Variants in CTNNA2 observed in about 807,000 individuals in gnomAD.
The protein encoded by CTNNA2 is catenin alpha 2.
In CTNNA2, 42 loss-of-function variants were observed where a neutral mutation model predicts 101.0. The ratio of observed to expected loss-of-function variants is 0.42; its 90% CI spans 0.32 to 0.54. CTNNA2 has a LOEUF of 0.54. Ranked by LOEUF, CTNNA2 falls within the 20% of genes least tolerant of loss-of-function variation. The pLI, the probability that CTNNA2 is intolerant of heterozygous loss-of-function variation, is 0.14. For missense variants in CTNNA2, 871 were observed against 1,223.1 expected, an observed-to-expected ratio of 0.71 and a Z score of 4.29; for synonymous variants, 450 against 456.4, an observed-to-expected ratio of 0.99 and a Z score of 0.18.
intron 1 of CTNNA2, among the ~76,000 whole-genome samples, chr2:79,580,087 C>CATTGTAGCA (rs1257379676): frequency 6.6e-6 from 1 of 152,074 alleles, no homozygotes; most frequent in African/African-American, 2.4e-5. Flanking sequence ...AAGAGGTGTC[C>CATTGTAGCA]ATTGTAGCAA....
intron 1 of CTNNA2, among the ~76,000 whole-genome samples, chr2:79,637,264 A>G (rs550144295): frequency 6.6e-6 from 1 of 152,264 alleles, no homozygotes; most frequent in South Asian, 2.1e-4. Context: ...AAGGGGTGAA[A>G]TTGAGGATAC....
intron 7 of CTNNA2, among the ~76,000 whole-genome samples, chr2:80,054,828 G>A (rs1028559756): frequency 6.6e-6 from 1 of 152,226 alleles, no homozygotes; most frequent in Admixed American, 6.5e-5. Flanking sequence ...AGTACCTGAG[G>A]TGAGGTAGGT....
chr2:79,344,435 T>A (rs1183750235), intron 3 of CTNNA2, among the ~76,000 whole-genome samples: 1 of 152,182 alleles, frequency 6.6e-6, no homozygotes, highest in East Asian at 1.9e-4. Flanking sequence ...AGTCTCAGCT[T>A]GACTTATATG....
intron 7 of CTNNA2, among the ~76,000 whole-genome samples, chr2:80,271,829 A>G (rs913359595): frequency 1.3e-5 from 2 of 152,256 alleles, no homozygotes; most frequent in Non-Finnish European, 2.9e-5. Context: ...CACTAAAAAT[A>G]TATCTGGGAG....
intron 11 of CTNNA2, among the ~76,000 whole-genome samples, chr2:80,547,136 C>T (rs184770009): frequency 1.4e-4 from 22 of 152,202 alleles, no homozygotes; most frequent in Admixed American, 5.9e-4. Context: ...TTTTCTTTTC[C>T]GGAAGAAACA....
intron 7 of CTNNA2, among the ~76,000 whole-genome samples, chr2:80,327,690 G>A (rs1002969555): frequency 2.0e-5 from 3 of 152,192 alleles, no homozygotes; most frequent in Non-Finnish European, 4.4e-5. Context: ...CACTAATGAA[G>A]ACAGGGGAGC....
At chr2:79,730,044 A>C (rs2104914009) in intron 2 of CTNNA2, among the ~76,000 whole-genome samples, 1 of 152,238 alleles carries the variant, frequency 6.6e-6, no homozygotes, top group African/African-American at 2.4e-5. Context: ...TTTAGTTTTA[A>C]AAATTTGTAT....
At chr2:79,330,676 G>A (rs537838112) in intron 3 of CTNNA2, among the ~76,000 whole-genome samples, 3 of 152,118 alleles carry the variant, frequency 2.0e-5, no homozygotes, top group Non-Finnish European at 4.4e-5. Flanking sequence ...TGTGCTGTTC[G>A]CATGATAGTG....
At chr2:80,311,592 A>G (rs897787538) in intron 7 of CTNNA2, among the ~76,000 whole-genome samples, 5 of 152,248 alleles carry the variant, frequency 3.3e-5, no homozygotes, top group African/African-American at 1.2e-4. Flanking sequence ...GCATCTTATT[A>G]AGTAGCTGGC....
At chr2:79,199,594 A>T (rs949028790) in intron 2 of CTNNA2, among the ~76,000 whole-genome samples, 82 of 152,178 alleles carry the variant, frequency 5.4e-4, no homozygotes, top group African/African-American at 1.9e-3. Flanking sequence ...GTGGCGTTGG[A>T]CTGACCAGCA....
chr2:79,982,472 T>TACACACACAC (rs60316453), intron 7 of CTNNA2, among the ~76,000 whole-genome samples: 45 of 139,752 alleles, frequency 3.2e-4, no homozygotes, highest in East Asian at 1.9e-3. Context: ...GACTCCTAAC[T>TACACACACAC]ACACACACAC....
intron 7 of CTNNA2, among the ~76,000 whole-genome samples, chr2:80,183,931 T>C (rs1015806172): frequency 6.6e-6 from 1 of 151,598 alleles, no homozygotes; most frequent in Non-Finnish European, 1.5e-5. Context: ...TGGGGCATCT[T>C]TGGGGAGATC....
intron 6 of CTNNA2, among the ~76,000 whole-genome samples, chr2:79,886,265 A>G (rs1683852287): frequency 6.6e-6 from 1 of 152,190 alleles, no homozygotes; most frequent in Admixed American, 6.5e-5. Context: ...AGTATTTCTC[A>G]GGTAGAAAGA....
At chr2:80,019,166 CTT>C (rs1346841882) in intron 7 of CTNNA2, among the ~76,000 whole-genome samples, 3 of 152,080 alleles carry the variant, frequency 2.0e-5, no homozygotes, top group African/African-American at 7.2e-5. Flanking sequence ...ACATAAGGGA[CTT>C]TTTACCATCT....
At chr2:80,498,632 T>C (rs1279006082) in intron 9 of CTNNA2, among the ~76,000 whole-genome samples, 2 of 152,340 alleles carry the variant, frequency 1.3e-5, no homozygotes, top group South Asian at 2.1e-4. Flanking sequence ...TCCACCCAAG[T>C]GTATCTTGCT....
At chr2:80,258,925 A>G (rs116110617) in intron 7 of CTNNA2, among the ~76,000 whole-genome samples, 6 of 152,148 alleles carry the variant, frequency 3.9e-5, no homozygotes, top group Non-Finnish European at 8.8e-5. Context: ...CGTTACTGAC[A>G]TTATGATTAA....
chr2:79,874,676 C>T (rs910056798), intron 6 of CTNNA2, among the ~76,000 whole-genome samples: 4 of 152,102 alleles, frequency 2.6e-5, no homozygotes, highest in African/African-American at 9.7e-5. Flanking sequence ...GGCGTGGTGG[C>T]GCATGCCTGT....
chr2:79,210,384 A>G (rs72816680), intron 2 of CTNNA2, among the ~76,000 whole-genome samples: 2 of 152,350 alleles, frequency 1.3e-5, no homozygotes, highest in Non-Finnish European at 2.9e-5. Flanking sequence ...TTAAATGTAC[A>G]GAGGAAATAG....
intron 11 of CTNNA2, among the ~76,000 whole-genome samples, chr2:80,549,381 A>G (rs2149642066): frequency 6.6e-6 from 1 of 152,142 alleles, no homozygotes; most frequent in East Asian, 1.9e-4. Flanking sequence ...TCTTTTAAAA[A>G]TTCACCGTGA....
Sources: gnomAD v4.1 joint callset for allele counts (sites outside exome capture counted in the v4.1 genomes callset) on GRCh38, gnomAD v4.1.1 for gene constraint, MANE v1.5 for transcripts, NCBI Gene and HGNC (gene_info 2026-07-23, HGNC 2026-07-21) for gene names.